The following ADAM7 variants were observed in gnomAD, a reference collection of about 807,000 sequenced individuals.
The protein encoded by ADAM7 is ADAM metallopeptidase domain 7, also known as disintegrin and metalloproteinase domain-containing protein 7.
ADAM7 carries 97 observed loss-of-function variants against 102.9 expected under a neutral mutation model. The ratio of observed to expected loss-of-function variants is 0.94; its 90% CI spans 0.80 to 1.12. The LOEUF is 1.12. Among genes scored for constraint, ADAM7 ranks in the 50% most tolerant of loss-of-function variants. The probability of loss-of-function intolerance (pLI) is 0.00; values close to 1 mark genes in which losing one functional copy is unlikely to be tolerated. For missense variants in ADAM7, 991 were observed against 908.7 expected, an observed-to-expected ratio of 1.09 and a Z score of -1.16; for synonymous variants, 334 against 304.4, an observed-to-expected ratio of 1.10 and a Z score of -1.01.
chr8:24,482,645 AAGCTG>A (rs1397048282), intron 9 of ADAM7, among the ~76,000 whole-genome samples: 1 of 152,086 alleles, frequency 6.6e-6, no homozygotes, highest in Non-Finnish European at 1.5e-5. Context: ...GCTACTTGGG[AAGCTG>A]AGGCTGGAGG....
At chr8:24,481,810 A>G (rs918971792) in intron 8 of ADAM7, among the ~76,000 whole-genome samples, 1 of 152,210 alleles carries the variant, frequency 6.6e-6, no homozygotes, top group Admixed American at 6.6e-5. Flanking sequence ...CACTGTTAGT[A>G]AATTTATGCT....
At chr8:24,479,186 A>T (rs534686054) in intron 8 of ADAM7, among the ~76,000 whole-genome samples, 64 of 152,028 alleles carry the variant, frequency 4.2e-4, no homozygotes, top group African/African-American at 1.4e-3. Context: ...TAGCCTAGTT[A>T]TGGGGTCCAG....
At chr8:24,456,323 G>A (rs1017608975) in intron 3 of ADAM7, among the ~76,000 whole-genome samples, 5 of 152,056 alleles carry the variant, frequency 3.3e-5, no homozygotes, top group African/African-American at 9.7e-5. Context: ...TTTTAAGGCC[G>A]AACATTATTC....
intron 3 of ADAM7, among the ~76,000 whole-genome samples, chr8:24,457,678 T>C (rs1819087410): frequency 6.6e-6 from 1 of 152,204 alleles, no homozygotes; most frequent in African/African-American, 2.4e-5. Flanking sequence ...TAAAAATTTA[T>C]AATTTTAAAT....
In ADAM7 at chr8:24,463,888, C is replaced by G; in HGVS notation, c.240C>G (p.Phe80Leu). 1 of 1,613,384 alleles carries G rather than the reference C, an allele frequency of 6.2e-7. No homozygotes were observed. The highest frequency in any genetic ancestry group is 8.5e-7 in the Non-Finnish European group (1 of 1,179,616). The change falls in exon 4 of 22, where the codon TTC becomes TTG. Residue 80 changes from phenylalanine (F) to leucine (L), a missense_variant. Transcript: ENST00000175238. ...TGTCTGCCCTCTTTTTCAGGGAGTT[C>G]CTAGGCTCAAATTACAGTGAAACAT... ...LVLHLLRSREFLGSNYSETFY... is the reference protein window; with the variant it reads ...LVLHLLRSRELLGSNYSETFY...
chr8:24,442,452 T>C, intron 1 of ADAM7, 21 bp from the exon 2 acceptor site: 2 of 1,543,918 alleles, frequency 1.3e-6, no homozygotes, highest in Non-Finnish European at 1.8e-6. Context: ...ACGGATTTTT[T>C]CCTCTTATGT....
At chr8:24,450,953 T>C (rs1177941522) in intron 3 of ADAM7, among the ~76,000 whole-genome samples, 1 of 152,206 alleles carries the variant, frequency 6.6e-6, no homozygotes, top group Non-Finnish European at 1.5e-5. Flanking sequence ...AGATTACATT[T>C]ATTGATTTGC....
intron 20 of ADAM7, among the ~76,000 whole-genome samples, chr8:24,504,267 T>A (rs1229550170): frequency 1.3e-5 from 2 of 151,868 alleles, no homozygotes; most frequent in African/African-American, 4.8e-5. Flanking sequence ...CACGGGAGAC[T>A]GAGGCACCAA....
At chr8:24,475,494 T>G (rs1819737473) in intron 7 of ADAM7, among the ~76,000 whole-genome samples, 1 of 152,144 alleles carries the variant, frequency 6.6e-6, no homozygotes, top group Admixed American at 6.5e-5. Flanking sequence ...GAAAATATGT[T>G]CACAATGTAT....
intron 3 of ADAM7, 56 bp from the exon 4 acceptor site, chr8:24,463,826 A>G: frequency 1.4e-6 from 2 of 1,421,774 alleles, no homozygotes; most frequent in Non-Finnish European, 2.0e-6. Flanking sequence ...TATAGGTTTT[A>G]TCTGTCAGGT....
At chr8:24,445,075 A>T (rs1221372063) in intron 2 of ADAM7, among the ~76,000 whole-genome samples, 1 of 152,186 alleles carries the variant, frequency 6.6e-6, no homozygotes, top group Non-Finnish European at 1.5e-5. Flanking sequence ...GACAATATTA[A>T]AAATCTTCTA....
rs1314029227 is a variant in ADAM7, at chr8:24,508,978, A to G, written c.*432A>G. 1 of 1,002,060 alleles carries G rather than the reference A, an allele frequency of 1.0e-6. No homozygotes were observed. The highest frequency in any genetic ancestry group is 1.2e-6 in the Non-Finnish European group (1 of 840,848). The allele number at this position is 1,002,060 out of a possible 1,614,324, so 62.1% of individuals were successfully genotyped here. A position where few individuals can be genotyped will look rare whatever the true frequency, so the allele number is the denominator to read the frequency against. ...TTTAAAACTTGAACATGACATCATT[A>G]GCACTAATTCTGGTTTAAATGAAAG... is the stretch of plus-strand genomic sequence containing the variant. On this transcript the variant is annotated 3_prime_UTR_variant, in exon 22 of 22. Transcript: ENST00000175238.
intron 20 of ADAM7, among the ~76,000 whole-genome samples, chr8:24,503,677 C>G (rs182343175): frequency 6.6e-6 from 1 of 152,192 alleles, no homozygotes; most frequent in Admixed American, 6.6e-5. Flanking sequence ...ATATATATAC[C>G]ATGGAATACT....
chr8:24,460,220 C>CTT (rs1470792422), intron 3 of ADAM7, among the ~76,000 whole-genome samples: 1 of 151,952 alleles, frequency 6.6e-6, no homozygotes, highest in Non-Finnish European at 1.5e-5. Flanking sequence ...TTCAACATAT[C>CTT]TGTGTCTTTA....
intron 1 of ADAM7, 39 bp downstream of exon 1, chr8:24,441,199 C>T: frequency 6.4e-7 from 1 of 1,566,780 alleles, no homozygotes; most frequent in East Asian, 2.2e-5. Context: ...TCTTATTATG[C>T]TGTGAGGTTG....
intron 8 of ADAM7, among the ~76,000 whole-genome samples, chr8:24,478,643 C>T (rs1819848509): frequency 6.6e-6 from 1 of 152,146 alleles, no homozygotes; most frequent in African/African-American, 2.4e-5. Flanking sequence ...CAAACCACAT[C>T]CATGTTTTCC....
rs768933719 is a variant in ADAM7 at position 24,485,306 on chromosome 8, GA to G, written c.907del (p.Ile303PhefsTer26). 4 of 1,613,468 alleles carry G rather than the reference GA, an allele frequency of 2.5e-6. No individual in the cohort carries two copies. The highest frequency in any genetic ancestry group is 3.4e-6 in the Non-Finnish European group (4 of 1,179,656). On this transcript the variant is annotated frameshift_variant, in exon 10 of 22. Coordinates refer to ENST00000175238, the MANE Select transcript of ADAM7 (RefSeq NM_003817.4). LOFTEE classifies it high-confidence loss of function. ...AAGTGGCTCTACTCACATGTGCAAG[GA>G]ATTTCTTATCCAGGGGGTATGTGCC... The part of the protein sequence containing the change: ...SGKWLYSHVQ[G>X]ISYPGGMCLP...
intron 7 of ADAM7, among the ~76,000 whole-genome samples, chr8:24,470,962 T>C (rs1369220621): frequency 6.6e-6 from 1 of 152,104 alleles, no homozygotes; most frequent in Non-Finnish European, 1.5e-5. Context: ...GCTGTATGTA[T>C]GTAATTGCCC....
intron 7 of ADAM7, among the ~76,000 whole-genome samples, chr8:24,473,224 C>T (rs1483483620): frequency 6.6e-6 from 1 of 152,100 alleles, no homozygotes; most frequent in Non-Finnish European, 1.5e-5. Flanking sequence ...AAAAACCCCA[C>T]ATTTTATAAG....
Sources: allele counts gnomAD v4.1 joint callset (sites outside exome capture counted in the v4.1 genomes callset), GRCh38; gene constraint gnomAD v4.1.1; transcripts MANE v1.5; gene names NCBI Gene and HGNC (gene_info 2026-07-23, HGNC 2026-07-21).